Variants in RNASEL observed in about 807,000 individuals in gnomAD.
RNASEL encodes ribonuclease L.
Under a neutral mutation model 50.9 loss-of-function variants are expected in RNASEL, and 36 were observed. The observed-to-expected ratio is 0.71, with a 90% CI of 0.54 to 0.93. The LOEUF (loss-of-function observed/expected upper bound fraction) is 0.93, where lower values mean the gene tolerates loss of function less well. RNASEL is among the 40% of genes least tolerant of loss of function. The probability of loss-of-function intolerance (pLI) is 0.00; values close to 1 mark genes in which losing one functional copy is unlikely to be tolerated. For synonymous variants in RNASEL, 335 were observed against 335.6 expected (o/e 1.00, Z 0.02); for missense variants, 860 against 894.5 (o/e 0.96, Z 0.49).
At position 182,581,262 on chromosome 1, in the gene RNASEL, G is replaced by C; in HGVS notation, c.1868C>G (p.Ser623Cys). 1 of 1,614,106 alleles carries C rather than the reference G, an allele frequency of 6.2e-7. No homozygotes were observed. Among genetic ancestry groups the C allele is most frequent in the Non-Finnish European group, 8.5e-7 (1 of 1,180,034 alleles). Residue 623 changes from serine to cysteine, a missense_variant, in exon 5 of 7, where the codon TCT becomes TGT. Coordinates refer to ENST00000367559, the MANE Select transcript of RNASEL (RefSeq NM_021133.4). Reference protein sequence around the residue: ...EILRLLQPGPSEHSKSFDKWT... With the variant: ...EILRLLQPGPCEHSKSFDKWT... ...CTTGTCAAAACTTTTGGAATGTTCA[G>C]AAGGCCCAGGTTGCAGTAGTCTGAG...
chr1:182,579,261 G>A, intron 5 of RNASEL: 1 of 985,594 alleles, frequency 1.0e-6, no homozygotes, highest in Non-Finnish European at 1.2e-6. Context: ...TTGCCTGCAG[G>A]TGTCCCAGGG....
rs759483388 is a variant in RNASEL at position 182,584,178 on chromosome 1, T to C, written c.1481-12A>G. 15 of 1,588,662 alleles carry C rather than the reference T, an allele frequency of 9.4e-6. No homozygotes were observed. The highest frequency in any genetic ancestry group is 1.3e-5 in the Non-Finnish European group (15 of 1,156,792). On this transcript the variant is annotated splice_polypyrimidine_tract_variant and intron_variant, in intron 2 of 6. Transcript: ENST00000367559. Reference sequence around the variant, plus strand: ...AGCTTTCTTAGAATCTAAGGAAAAGTTTGCAGAGGCACATTGAAAATACTC... The same window carrying C: ...AGCTTTCTTAGAATCTAAGGAAAAGCTTGCAGAGGCACATTGAAAATACTC...
intron 1 of RNASEL, among the ~76,000 whole-genome samples, chr1:182,588,929 CTGAG>C (rs975927407): frequency 1.3e-5 from 2 of 152,188 alleles, no homozygotes; most frequent in African/African-American, 4.8e-5. Flanking sequence ...TCTGTGCGAC[CTGAG>C]TAAGTCGCAA....
chr1:182,582,293 T>C, intron 3 of RNASEL, 35 bp from the exon 4 acceptor site: 2 of 1,610,400 alleles, frequency 1.2e-6, no homozygotes, highest in Non-Finnish European at 1.7e-6. Flanking sequence ...CAAAGATGCT[T>C]ACTAATTATT....
chr1:182,575,012 C>A lies in RNASEL; in HGVS notation c.*380G>T, dbSNP rs1025159451. The A allele has an allele frequency of 1.4e-5, 5 of 345,042 alleles. No individual in the cohort carries two copies. Among genetic ancestry groups the A allele is most frequent in the African/African-American group, 6.2e-5 (3 of 48,244 alleles). 21.4% of individuals were successfully genotyped at this position (345,042 alleles called of 1,614,324 possible). A position where few individuals can be genotyped will look rare whatever the true frequency, so the allele number is the denominator to read the frequency against. On this transcript the variant is annotated 3_prime_UTR_variant, in exon 7 of 7. Transcript: ENST00000367559. ...AATAATCTTGGGCCAGTAGCTCACA[C>A]TCTCTGAGTCTCAGGTTCCTCAGTT...
At position 182,585,691 on chromosome 1, in the gene RNASEL, A is replaced by G; in HGVS notation, c.1116T>C (p.Ala372=). 2 of 1,614,080 alleles carry G rather than the reference A, an allele frequency of 1.2e-6. No homozygotes were observed. The highest frequency in any genetic ancestry group is 1.7e-6 in the Non-Finnish European group (2 of 1,180,038). The change falls in exon 2 of 7, where the codon GCT becomes GCC. Residue 372 remains alanine (A), a synonymous_variant. Coordinates refer to ENST00000367559, the MANE Select transcript of RNASEL (RefSeq NM_021133.4). ...GGTAGATGCCTCCTTCTGAAGTATC[A>G]GCAATTTTGTATTTTTCATCAATAA... ...KFFIDEKYKI[A]DTSEGGIYLG...
rs138978618 is a variant in RNASEL at position 182,575,552 on chromosome 1, G to A, written c.2066C>T (p.Ser689Phe). The A allele has an allele frequency of 2.0e-4, 319 of 1,614,178 alleles. No individual in the cohort carries two copies. In the African/African-American group the frequency reaches 4.0e-3, roughly 20 times the overall value. ...KKMKLKIGDP[S>F]LYFQKTFPDL... is the part of the protein sequence containing the mutation. ...TGGAAATGTCTTCTGAAAATACAGG[G>A]AAGGGTCTCCAATTTTTAATTTCAT... The change falls in exon 7 of 7, where the codon TCC becomes TTC. Residue 689 changes from serine (S) to phenylalanine (F), a missense_variant. Physicochemically the swap from Ser to Phe is radical, Grantham distance 155. Coordinates refer to ENST00000367559, the MANE Select transcript of RNASEL (RefSeq NM_021133.4).
Position 182,585,503 on chromosome 1 carries a change from G to T in RNASEL, c.1304C>A (p.Thr435Asn). Residue 435 changes from threonine to asparagine, a missense_variant, in exon 2 of 7, where the codon ACC (threonine) becomes AAC (asparagine). Transcript: ENST00000367559. ...CGCTTCCAGAGTCTGCTCACAGAGG[G>T]TGACACACACAAACAAGTGGCCCCT... is the stretch of plus-strand genomic sequence containing the variant. The part of the protein sequence containing the change: ...SHRGHLFVCV[T>N]LCEQTLEACL... 1 of 1,614,132 alleles carries T rather than the reference G, an allele frequency of 6.2e-7. No individual in the cohort carries two copies. Among genetic ancestry groups the T allele is most frequent in the Non-Finnish European group, 8.5e-7 (1 of 1,180,010 alleles).
chr1:182,586,835 T>C lies in RNASEL; in HGVS notation c.-29A>G. ...GGTAAATGCCACCTGCTACCACTTTTAGCCTTTTCCTTGAGAAAATGCAAA... is the reference window on the plus strand; with the variant it reads ...GGTAAATGCCACCTGCTACCACTTTCAGCCTTTTCCTTGAGAAAATGCAAA... On this transcript the variant is annotated 5_prime_UTR_variant, in exon 2 of 7. Coordinates refer to ENST00000367559, the MANE Select transcript of RNASEL (RefSeq NM_021133.4). The C allele has an allele frequency of 6.2e-7, 1 of 1,613,560 alleles. No individual in the cohort carries two copies. The highest frequency in any genetic ancestry group is 8.5e-7 in the Non-Finnish European group (1 of 1,180,024).
rs1051003713 is a variant in RNASEL, at chr1:182,574,156, G to T, written c.*1236C>A. ...AACGTAAGACAGTATTATTATTCAT[G>T]TACGAAGATGGTTCATTCATTATTC... On this transcript the variant is annotated 3_prime_UTR_variant, in exon 7 of 7. Transcript: ENST00000367559. 4.5e-6 allele frequency: 1 copy of T among 221,492 alleles called. No individual in the cohort carries two copies. Among genetic ancestry groups the T allele is most frequent in the Non-Finnish European group, 9.0e-6 (1 of 110,880 alleles). The allele number at this position is 221,492 out of a possible 1,614,324, so 13.7% of individuals were successfully genotyped here. A position where few individuals can be genotyped will look rare whatever the true frequency, so the allele number is the denominator to read the frequency against.
chr1:182,577,136 GC>G (rs1052463016), intron 5 of RNASEL: 1 of 151,014 alleles, frequency 6.6e-6, no homozygotes, highest in African/African-American at 2.4e-5. Context: ...ACCCACCTTG[GC>G]CCCCAAAGTG....
At chr1:182,578,155 T>C (rs1009904435) in intron 5 of RNASEL, 3 of 152,116 alleles carry the variant, frequency 2.0e-5, no homozygotes, top group Non-Finnish European at 4.4e-5. Context: ...AACTAAAAAC[T>C]TCTGCGCAGC....
chr1:182,582,131 C>T lies in RNASEL; in HGVS notation c.1694G>A (p.Arg565His), dbSNP rs143649586. The T allele has an allele frequency of 9.7e-5, 156 of 1,614,162 alleles. 1 individual carries two copies. In the African/African-American group the frequency reaches 1.6e-3, roughly 16 times the overall value. Residue 565 changes from arginine to histidine, a missense_variant, in exon 4 of 7, where the codon CGT (arginine) becomes CAT (histidine). Physicochemically the swap from Arg to His is conservative, Grantham distance 29 (BLOSUM62 0). Transcript: ENST00000367559. The part of the protein sequence containing the change: ...PDEETKDLIH[R>H]LFHPGEHVRD... ...CACATGTTCCCCAGGATGGAAGAGA[C>T]GATGAATGAGGTCCTTAGTTTCCTC... is the stretch of plus-strand genomic sequence containing the variant.
Position 182,586,177 on chromosome 1 carries a change from G to A in RNASEL, c.630C>T (p.Leu210=), listed in dbSNP as rs1429744830. The change falls in exon 2 of 7, where the codon CTC becomes CTT. Residue 210 remains leucine (L), a synonymous_variant. Coordinates refer to ENST00000367559, the MANE Select transcript of RNASEL (RefSeq NM_021133.4). ...NMGRNALIHA[L]LSSDDSDVEA... Reference sequence around the variant, plus strand: ...CCACATCACTATCGTCAGAGCTCAGGAGAGCATGGATCAAGGCATTTCTGC... The same window carrying A: ...CCACATCACTATCGTCAGAGCTCAGAAGAGCATGGATCAAGGCATTTCTGC... The A allele has an allele frequency of 1.9e-6, 3 of 1,614,062 alleles. No individual in the cohort carries two copies. Among genetic ancestry groups the A allele is most frequent in the Non-Finnish European group, 2.5e-6 (3 of 1,180,036 alleles).
chr1:182,576,118 T>C (rs2102362545), intron 6 of RNASEL, 138 bp downstream of exon 6: 3 of 823,568 alleles, frequency 3.6e-6, no homozygotes, highest in Non-Finnish European at 5.7e-6. Flanking sequence ...ATAGCCCTTT[T>C]ACACACAGAG....
At chr1:182,577,662 C>T (rs1213157853) in intron 5 of RNASEL, among the ~76,000 whole-genome samples, 2 of 151,884 alleles carry the variant, frequency 1.3e-5, no homozygotes, top group African/African-American at 4.8e-5. Flanking sequence ...AAAAAAGAGC[C>T]CAAATAGCCA....
chr1:182,579,923 T>G (rs577130810), intron 5 of RNASEL: 1 of 461,808 alleles, frequency 2.2e-6, no homozygotes, highest in East Asian at 6.9e-5. Context: ...TCTGCAGCCA[T>G]CCTTCCCAGC....
Position 182,582,087 on chromosome 1 carries a change from G to C in RNASEL, c.1738C>G (p.Leu580Val). Residue 580 changes from leucine (L) to valine (V), a missense_variant, in exon 4 of 7, where the codon CTG becomes GTG. By Grantham distance (32) the Leu-to-Val change is conservative. Coordinates refer to ENST00000367559, the MANE Select transcript of RNASEL (RefSeq NM_021133.4). ...GTCCAAAAGAAGGGATGACCCAGCA[G>C]GTCACTCAGACAGTCCCTCACATGT... The part of the protein sequence containing the change: ...GEHVRDCLSD[L>V]LGHPFFWTWE... The C allele has an allele frequency of 3.7e-6, 6 of 1,614,190 alleles. No individual in the cohort carries two copies. Among genetic ancestry groups the C allele is most frequent in the Non-Finnish European group, 5.1e-6 (6 of 1,180,028 alleles).
chr1:182,583,948 C>A, intron 3 of RNASEL, 133 bp downstream of exon 3: 1 of 741,646 alleles, frequency 1.3e-6, no homozygotes, highest in South Asian at 1.4e-5. Context: ...CCGTGTGAGT[C>A]AATTCTCCTT....
Sources: gnomAD v4.1 joint callset for allele counts (sites outside exome capture counted in the v4.1 genomes callset) on GRCh38, gnomAD v4.1.1 for gene constraint, MANE v1.5 for transcripts, NCBI Gene and HGNC (gene_info 2026-07-23, HGNC 2026-07-21) for gene names.